Variants in ATP2C2 observed in about 807,000 individuals in gnomAD.
The protein encoded by ATP2C2 is ATPase secretory pathway Ca2+ transporting 2, also known as calcium-transporting ATPase type 2C member 2.
A neutral mutation model predicts 110.8 loss-of-function variants in ATP2C2; 171 were observed. The ratio of observed to expected loss-of-function variants is 1.54; its 90% CI spans 1.36 to 1.75. The LOEUF is 1.75. ATP2C2 is among the 40% of genes most tolerant of loss of function. The pLI, the probability that ATP2C2 is intolerant of heterozygous loss-of-function variation, is 0.00. For missense variants in ATP2C2, 1,963 were observed against 1,235.0 expected (o/e 1.59, Z -8.84); for synonymous variants, 804 against 508.4 (o/e 1.58, Z -7.82).
chr16:84,414,547 G>C (rs1011596099), intron 6 of ATP2C2, among the ~76,000 whole-genome samples: 2 of 152,144 alleles, frequency 1.3e-5, no homozygotes, highest in Non-Finnish European at 2.9e-5. Context: ...CATGTCTCTC[G>C]GGCCAGTGTT....
Position 84,461,833 on chromosome 16 carries a change from C to A in ATP2C2, c.2580+21C>A, listed in dbSNP as rs199814527. The A allele has an allele frequency of 8.7e-6, 14 of 1,611,430 alleles. No individual in the cohort carries two copies. The East Asian group carries it at 3.1e-4, about 36-fold the overall frequency. On this transcript the variant is annotated intron_variant, in intron 25 of 26. Coordinates refer to ENST00000262429, the MANE Select transcript of ATP2C2 (RefSeq NM_014861.4). ...CTCAGGTGAGACCCGGGCTGACCCTCCTCGCTGCAGAGCTGCTGTGTGTTC... is the reference window on the plus strand; with the variant it reads ...CTCAGGTGAGACCCGGGCTGACCCTACTCGCTGCAGAGCTGCTGTGTGTTC...
intron 1 of ATP2C2, among the ~76,000 whole-genome samples, chr16:84,380,550 G>C (rs191349907): frequency 6.6e-6 from 1 of 152,154 alleles, no homozygotes; most frequent in Non-Finnish European, 1.5e-5. Flanking sequence ...ATCAGTTTGC[G>C]GTAATCAGGT....
intron 1 of ATP2C2, among the ~76,000 whole-genome samples, chr16:84,380,489 C>T (rs866091008): frequency 6.6e-6 from 1 of 152,146 alleles, no homozygotes; most frequent in South Asian, 2.1e-4. Context: ...TATTTTCCCC[C>T]GTGACTTGGG....
chr16:84,461,968 G>T lies in ATP2C2; in HGVS notation c.2581-20G>T, dbSNP rs187359571. On this transcript the variant is annotated intron_variant, in intron 25 of 26. Transcript: ENST00000262429. ...GGGTGTGGACAGCACACAATCCCCC[G>T]TGTGACCTTCTCCCTGCAGACCAAG... The T allele has an allele frequency of 1.0e-4, 161 of 1,611,924 alleles. No individual in the cohort carries two copies. The African/African-American group carries it at 1.5e-3, about 15-fold the overall frequency.
chr16:84,370,485 G>A (rs12445532), intron 1 of ATP2C2, among the ~76,000 whole-genome samples: 51,793 of 151,950 alleles, frequency 0.34, 9,669 homozygotes, highest in East Asian at 0.48. Context: ...TCGATGGGAA[G>A]TGTGAGGAGG....
intron 1 of ATP2C2, among the ~76,000 whole-genome samples, chr16:84,390,520 C>G (rs932459743): frequency 6.6e-6 from 1 of 152,176 alleles, no homozygotes; most frequent in Non-Finnish European, 1.5e-5. Context: ...CAAATAACAT[C>G]TTGGGGGTTC....
intron 11 of ATP2C2, among the ~76,000 whole-genome samples, chr16:84,426,584 C>T (rs1199768691): frequency 1.3e-5 from 2 of 152,072 alleles, no homozygotes; most frequent in African/African-American, 4.8e-5. Context: ...CTCTCTGTGC[C>T]CCAGTTTCCT....
In ATP2C2 at chr16:84,461,588, G is replaced by A. The variant is rs755424946; in HGVS notation, c.2482-126G>A. The A allele has an allele frequency of 9.2e-5, 76 of 828,122 alleles. 1 individual carries two copies. Among genetic ancestry groups the A allele is most frequent in the Admixed American group, 6.3e-4 (35 of 55,786 alleles). The allele number at this position is 828,122 out of a possible 1,614,324, so 51.3% of individuals were successfully genotyped here. A position where few individuals can be genotyped will look rare whatever the true frequency, so the allele number is the denominator to read the frequency against. On this transcript the variant is annotated intron_variant, in intron 24 of 26. Transcript: ENST00000262429. ...CACACCTGGAGGAAGCTGTGTGACC[G>A]ATTCATGAGCTTGTAAGTGGCTCCC...
At chr16:84,403,441 G>C (rs1347469889) in intron 2 of ATP2C2, among the ~76,000 whole-genome samples, 1 of 152,038 alleles carries the variant, frequency 6.6e-6, no homozygotes, top group Non-Finnish European at 1.5e-5. Flanking sequence ...GAGTAGCTGA[G>C]ACTACAGGAG....
chr16:84,417,499 T>G (rs1354203816), intron 7 of ATP2C2, among the ~76,000 whole-genome samples: 1 of 152,218 alleles, frequency 6.6e-6, no homozygotes, highest in Non-Finnish European at 1.5e-5. Flanking sequence ...TTATTTTTTA[T>G]CATTATCGTT....
chr16:84,379,634 G>C (rs1383753467), intron 1 of ATP2C2, among the ~76,000 whole-genome samples: 1 of 152,170 alleles, frequency 6.6e-6, no homozygotes, highest in Non-Finnish European at 1.5e-5. Flanking sequence ...AGCCTCGCCG[G>C]GGGGTTCTGA....
chr16:84,406,873 C>G (rs1455610705), intron 3 of ATP2C2, among the ~76,000 whole-genome samples: 1 of 152,164 alleles, frequency 6.6e-6, no homozygotes, highest in Non-Finnish European at 1.5e-5. Flanking sequence ...CCTCGTTCCC[C>G]TCTGCTCTGT....
intron 16 of ATP2C2, among the ~76,000 whole-genome samples, chr16:84,447,834 T>C (rs1444664898): frequency 8.1e-6 from 1 of 123,732 alleles, no homozygotes; most frequent in African/African-American, 2.8e-5. Flanking sequence ...TGTATTAACA[T>C]CTGTAATTAA....
In ATP2C2 at chr16:84,441,251, A is replaced by G. The variant is rs140680998; in HGVS notation, c.1311+293A>G. 5.2e-3 allele frequency among the ~76,000 whole-genome samples: 795 copies of G among 152,004 alleles called. 5 individuals carry two copies. The highest frequency in any genetic ancestry group is 0.017 in the African/African-American group (709 of 41,450). On this transcript the variant is annotated intron_variant, in intron 14 of 26. Coordinates refer to ENST00000262429, the MANE Select transcript of ATP2C2 (RefSeq NM_014861.4). ...AGTTCGAGACCAGCCTGAGCAACGT[A>G]GTGAGACCCTGTTTCTATTATTTTT... is the stretch of plus-strand genomic sequence containing the variant.
In ATP2C2 at chr16:84,444,739, G is replaced by A. The variant is rs535312582; in HGVS notation, c.1402-1590G>A. On this transcript the variant is annotated intron_variant, in intron 15 of 26. Transcript: ENST00000262429. ...GAGAGAGGTTCCAGCACCCAGAAGA[G>A]ATTTCCTTGATGTGTTATAATTTTC... Among the ~76,000 whole-genome samples the A allele has an allele frequency of 3.3e-5, 5 of 149,474 alleles. No homozygotes were observed. The East Asian group carries it at 7.8e-4, about 23-fold the overall frequency.
chr16:84,404,026 A>C (rs1905533221), intron 2 of ATP2C2, among the ~76,000 whole-genome samples: 1 of 152,186 alleles, frequency 6.6e-6, no homozygotes, highest in African/African-American at 2.4e-5. Context: ...CGATGAAGAG[A>C]CGCATAGGGC....
At chr16:84,428,971 A>T (rs1054984495) in intron 11 of ATP2C2, among the ~76,000 whole-genome samples, 4 of 152,090 alleles carry the variant, frequency 2.6e-5, no homozygotes, top group Admixed American at 2.0e-4. Flanking sequence ...TTTTCCCTGA[A>T]TATATGCCCA....
intron 11 of ATP2C2, among the ~76,000 whole-genome samples, chr16:84,433,500 A>G (rs959417533): frequency 1.3e-5 from 2 of 152,092 alleles, no homozygotes; most frequent in Non-Finnish European, 2.9e-5. Flanking sequence ...TAAAAATACA[A>G]AAATTAGCCG....
intron 2 of ATP2C2, among the ~76,000 whole-genome samples, chr16:84,402,532 C>G (rs1233576223): frequency 1.3e-5 from 2 of 152,064 alleles, no homozygotes; most frequent in South Asian, 4.1e-4. Context: ...AATTCTGTCA[C>G]GTTTTTTCAG....
Sources: allele counts gnomAD v4.1 joint callset (sites outside exome capture counted in the v4.1 genomes callset), GRCh38; gene constraint gnomAD v4.1.1; transcripts MANE v1.5; gene names NCBI Gene and HGNC (gene_info 2026-07-23, HGNC 2026-07-21).